Variants in SANBR observed in about 807,000 individuals in gnomAD.
The protein encoded by SANBR is SANT and BTB domain regulator of CSR.
A neutral mutation model predicts 101.8 loss-of-function variants in SANBR; 77 were observed. That is an observed-to-expected ratio of 0.76 (90% confidence interval 0.63 to 0.91). The LOEUF is 0.91. SANBR is among the 40% of genes least tolerant of loss of function. SANBR has a pLI of 0.00. For missense variants in SANBR, 875 were observed against 853.0 expected, an observed-to-expected ratio of 1.03 and a Z score of -0.32; for synonymous variants, 279 against 274.7, an observed-to-expected ratio of 1.02 and a Z score of -0.15.
rs1205502846 is a variant in SANBR, at chr2:61,122,908, T to C, written c.*746T>C. ...AAAATAACCATTGATAGTTTTAGGA[T>C]AGTAAATCATTTCTGTTATATGAGA... On this transcript the variant is annotated 3_prime_UTR_variant, in exon 22 of 22. Transcript: ENST00000402291. 1 of 985,260 alleles carries C rather than the reference T, an allele frequency of 1.0e-6. No individual in the cohort carries two copies. Among genetic ancestry groups the C allele is most frequent in the Non-Finnish European group, 1.2e-6 (1 of 829,796 alleles). 61.0% of individuals were successfully genotyped at this position (985,260 alleles called of 1,614,324 possible).
At chr2:61,107,737 T>A (rs1033786861) in intron 14 of SANBR, among the ~76,000 whole-genome samples, 21 of 152,072 alleles carry the variant, frequency 1.4e-4, no homozygotes, top group African/African-American at 5.1e-4. Context: ...AATACAAAAT[T>A]TAGCTGGGCG....
chr2:61,135,843 GAACA>G (rs2104998143), intron 21 of SANBR, among the ~76,000 whole-genome samples: 1 of 152,244 alleles, frequency 6.6e-6, no homozygotes, highest in East Asian at 1.9e-4. Context: ...AGCAGAAAAA[GAACA>G]AAGAAAACCA....
intron 12 of SANBR, among the ~76,000 whole-genome samples, chr2:61,102,357 C>G (rs1413339682): frequency 1.0e-5 from 1 of 97,710 alleles, no homozygotes; most frequent in East Asian, 3.0e-4. Flanking sequence ...CAGAGCAAGA[C>G]TGTGTCTCAA....
Position 61,124,076 on chromosome 2 carries a change from C to CA in SANBR, c.*1915dup. On this transcript the variant is annotated 3_prime_UTR_variant, in exon 22 of 22. Coordinates refer to ENST00000402291, the MANE Select transcript of SANBR (RefSeq NM_001129993.3). ...GTTTCTGCGCTCCTAGCCTGGGTGA[C>CA]AGAGCAAGACTCCATCTCAATTTAA... The CA allele has an allele frequency of 1.2e-6, 1 of 845,060 alleles. No individual in the cohort carries two copies. The highest frequency in any genetic ancestry group is 1.4e-6 in the Non-Finnish European group (1 of 701,824). The allele number at this position is 845,060 out of a possible 1,614,324, so 52.3% of individuals were successfully genotyped here. A position where few individuals can be genotyped will look rare whatever the true frequency, so the allele number is the denominator to read the frequency against.
chr2:61,077,168 A>G lies in SANBR; in HGVS notation c.670+10A>G, dbSNP rs764448809. On this transcript the variant is annotated intron_variant, in intron 6 of 21. Coordinates refer to ENST00000402291, the MANE Select transcript of SANBR (RefSeq NM_001129993.3). ...GAGATGCCCACTTTAGGTAAAAAACAATCTGTTGCTTAATTTGTAGTGAAA... is the reference window on the plus strand; with the variant it reads ...GAGATGCCCACTTTAGGTAAAAAACGATCTGTTGCTTAATTTGTAGTGAAA... The G allele has an allele frequency of 1.9e-6, 3 of 1,547,154 alleles. No homozygotes were observed. Among genetic ancestry groups the G allele is most frequent in the African/African-American group, 2.7e-5 (2 of 73,504 alleles).
At chr2:61,092,239 C>T (rs1682798271) in intron 10 of SANBR, among the ~76,000 whole-genome samples, 2 of 152,192 alleles carry the variant, frequency 1.3e-5, no homozygotes, top group African/African-American at 4.8e-5. Flanking sequence ...ACAAAATTAG[C>T]TGGGTGTGGT....
chr2:61,130,823 A>G (rs1490779689), intron 20 of SANBR, among the ~76,000 whole-genome samples: 3 of 148,352 alleles, frequency 2.0e-5, no homozygotes, highest in Admixed American at 1.4e-4. Context: ...TATGCTTGTA[A>G]TCCCAGCTAC....
intron 16 of SANBR, among the ~76,000 whole-genome samples, chr2:61,115,162 T>C (rs956771752): frequency 6.6e-6 from 1 of 152,186 alleles, no homozygotes; most frequent in African/African-American, 2.4e-5. Context: ...TGAAGCCATA[T>C]GGGCCTGGAG....
downstream of SANBR, among the ~76,000 whole-genome samples, chr2:61,127,574 G>A (rs987627508): frequency 2.0e-5 from 3 of 152,140 alleles, no homozygotes; most frequent in African/African-American, 7.2e-5. Flanking sequence ...AAGATGCTAT[G>A]GAATTATGAG....
At position 61,123,579 on chromosome 2, in the gene SANBR, T is replaced by C; in HGVS notation, c.*1417T>C. ...TATTATATGTAAGTACTCTGTTAAATACCAGAGTTTTTTTTGTAGTTTACT... is the reference window on the plus strand; with the variant it reads ...TATTATATGTAAGTACTCTGTTAAACACCAGAGTTTTTTTTGTAGTTTACT... On this transcript the variant is annotated 3_prime_UTR_variant, in exon 22 of 22. Transcript: ENST00000402291. The C allele has an allele frequency of 1.0e-6, 1 of 976,392 alleles. No individual in the cohort carries two copies. Among genetic ancestry groups the C allele is most frequent in the Non-Finnish European group, 1.2e-6 (1 of 821,542 alleles). 60.5% of individuals were successfully genotyped at this position (976,392 alleles called of 1,614,324 possible). A position where few individuals can be genotyped will look rare whatever the true frequency, so the allele number is the denominator to read the frequency against.
intron 6 of SANBR, among the ~76,000 whole-genome samples, chr2:61,079,461 T>G (rs1181916943): frequency 6.6e-6 from 1 of 152,152 alleles, no homozygotes; most frequent in Non-Finnish European, 1.5e-5. Context: ...AGTGTAAAAG[T>G]TTTTTAAAAA....
intron 6 of SANBR, among the ~76,000 whole-genome samples, chr2:61,078,480 G>A (rs868027375): frequency 1.2e-3 from 182 of 151,944 alleles, no homozygotes; most frequent in Admixed American, 4.3e-3. Flanking sequence ...GGAGTGCAAC[G>A]GTGCAATCTC....
At chr2:61,100,710 G>T (rs1379350717) in intron 12 of SANBR, among the ~76,000 whole-genome samples, 1 of 152,194 alleles carries the variant, frequency 6.6e-6, no homozygotes, top group African/African-American at 2.4e-5. Context: ...GGGGAAGACA[G>T]AAGGTTCCAG....
At chr2:61,134,244 C>A in exon 21 of SANBR, 1 of 1,583,774 alleles carries the variant, frequency 6.3e-7, no homozygotes, top group Non-Finnish European at 8.6e-7. Context: ...CGAATTAATA[C>A]ATGAAAGGAC....
intron 21 of SANBR, among the ~76,000 whole-genome samples, chr2:61,135,489 G>A (rs1297911652): frequency 6.6e-6 from 1 of 152,182 alleles, no homozygotes; most frequent in African/African-American, 2.4e-5. Context: ...CCTAATGACA[G>A]CATTTTTTAG....
intron 13 of SANBR, 70 bp downstream of exon 13, chr2:61,104,068 C>G: frequency 7.1e-7 from 1 of 1,417,568 alleles, no homozygotes; most frequent in Non-Finnish European, 9.8e-7. Context: ...AATCCCTTAT[C>G]CCCAAATCAG....
chr2:61,099,155 G>T (rs1317251841), intron 12 of SANBR, among the ~76,000 whole-genome samples: 3 of 152,230 alleles, frequency 2.0e-5, no homozygotes, highest in Non-Finnish European at 4.4e-5. Context: ...AGACAAGGCT[G>T]GAGAGGTAGG....
chr2:61,094,209 A>G (rs1682916382), intron 11 of SANBR: 1 of 252,584 alleles, frequency 4.0e-6, no homozygotes, highest in Non-Finnish European at 6.3e-6. Context: ...TTGTATAACT[A>G]CCTCCGCAAT....
chr2:61,083,721 T>G (rs1032684635), intron 8 of SANBR, among the ~76,000 whole-genome samples: 4 of 151,904 alleles, frequency 2.6e-5, no homozygotes, highest in Non-Finnish European at 5.9e-5. Context: ...TACAAAAAAT[T>G]AGCCAGGTGT....
Sources: allele counts gnomAD v4.1 joint callset (sites outside exome capture counted in the v4.1 genomes callset), GRCh38; gene constraint gnomAD v4.1.1; transcripts MANE v1.5; gene names NCBI Gene and HGNC (gene_info 2026-07-23, HGNC 2026-07-21).